NELL2: variants seen among roughly 807,000 people sequenced by gnomAD.
The protein encoded by NELL2 is protein kinase C-binding protein NELL2.
A neutral mutation model predicts 109.6 loss-of-function variants in NELL2; 41 were observed. The observed-to-expected ratio is 0.37, with a 90% CI of 0.29 to 0.49. NELL2 has a LOEUF of 0.49. Among genes scored for constraint, NELL2 ranks in the 20% least tolerant of loss-of-function variants. The pLI is 0.98. For missense variants in NELL2, 900 were observed against 1,008.3 expected (o/e 0.89, Z 1.45); for synonymous variants, 355 against 344.7 (o/e 1.03, Z -0.33).
At chr12:44,772,054 G>A (rs534217932) in intron 9 of NELL2, among the ~76,000 whole-genome samples, 1 of 152,206 alleles carries the variant, frequency 6.6e-6, no homozygotes, top group South Asian at 2.1e-4. Flanking sequence ...TATTTTATCA[G>A]GTTTTGTCAT....
chr12:44,884,973 T>C (rs1945453646), intron 1 of NELL2, among the ~76,000 whole-genome samples: 1 of 151,938 alleles, frequency 6.6e-6, no homozygotes, highest in South Asian at 2.1e-4. Flanking sequence ...GTCTATCCAA[T>C]GAGGCAATAA....
chr12:44,606,074 C>A (rs561678888), intron 15 of NELL2, among the ~76,000 whole-genome samples: 2 of 152,240 alleles, frequency 1.3e-5, no homozygotes, highest in South Asian at 4.1e-4. Flanking sequence ...AAGATAGACA[C>A]TATGCATTGT....
At chr12:44,516,021 G>C (rs1172843436) in intron 19 of NELL2, among the ~76,000 whole-genome samples, 2 of 151,474 alleles carry the variant, frequency 1.3e-5, no homozygotes, top group Non-Finnish European at 3.0e-5. Flanking sequence ...ATCATGACCA[G>C]TACTTTTTTT....
At chr12:44,510,372 A>G (rs933345360) in intron 19 of NELL2, among the ~76,000 whole-genome samples, 1 of 152,210 alleles carries the variant, frequency 6.6e-6, no homozygotes, top group Admixed American at 6.5e-5. Context: ...CAGCTAGTAA[A>G]TGGTAGAGCT....
chr12:44,609,158 C>T (rs1443220030), intron 14 of NELL2, among the ~76,000 whole-genome samples: 1 of 151,410 alleles, frequency 6.6e-6, no homozygotes, highest in Non-Finnish European at 1.5e-5. Context: ...GAGATGTTGC[C>T]CAATCTGGTC....
intron 9 of NELL2, among the ~76,000 whole-genome samples, chr12:44,747,171 C>T (rs11182632): frequency 6.6e-6 from 1 of 152,042 alleles, no homozygotes; most frequent in South Asian, 2.1e-4. Flanking sequence ...AAACTGGAAA[C>T]CATCATTCTC....
chr12:44,789,373 A>C (rs976118627), intron 3 of NELL2, among the ~76,000 whole-genome samples: 11 of 152,176 alleles, frequency 7.2e-5, no homozygotes, highest in Non-Finnish European at 1.3e-4. Context: ...GACCCAGAAG[A>C]GATAACAATC....
intron 9 of NELL2, among the ~76,000 whole-genome samples, chr12:44,741,470 G>T (rs1311543000): frequency 3.9e-5 from 6 of 152,168 alleles, no homozygotes; most frequent in African/African-American, 1.4e-4. Context: ...GACAGTGGGT[G>T]CAGTGCACCG....
At chr12:44,799,566 C>A (rs945669119) in intron 3 of NELL2, among the ~76,000 whole-genome samples, 1 of 152,126 alleles carries the variant, frequency 6.6e-6, no homozygotes, top group Non-Finnish European at 1.5e-5. Flanking sequence ...CTTACTACCA[C>A]TTTATAATAT....
chr12:44,798,128 A>AGATGGAAT (rs368133248), intron 3 of NELL2, among the ~76,000 whole-genome samples: 1 of 145,744 alleles, frequency 6.9e-6, no homozygotes, highest in African/African-American at 2.7e-5. Context: ...ATTCCATCCT[A>AGATGGAAT]GATGGAATGA....
At chr12:44,683,996 T>C (rs1340825168) in intron 12 of NELL2, among the ~76,000 whole-genome samples, 1 of 152,236 alleles carries the variant, frequency 6.6e-6, no homozygotes, top group African/African-American at 2.4e-5. Context: ...GAAGGAATGG[T>C]ACCAGTTCCT....
chr12:44,847,102 T>C (rs1435793970), intron 2 of NELL2, among the ~76,000 whole-genome samples: 2 of 152,164 alleles, frequency 1.3e-5, no homozygotes, highest in Non-Finnish European at 1.5e-5. Flanking sequence ...ATGCTTCCAG[T>C]AGCTCCAAGG....
At chr12:44,819,708 A>G (rs966761172) in intron 2 of NELL2, among the ~76,000 whole-genome samples, 2 of 151,524 alleles carry the variant, frequency 1.3e-5, no homozygotes, top group Admixed American at 6.6e-5. Flanking sequence ...ACCCTATTCA[A>G]CCTCTCCTCC....
chr12:44,709,606 A>G (rs1322324877), intron 11 of NELL2, among the ~76,000 whole-genome samples: 1 of 152,188 alleles, frequency 6.6e-6, no homozygotes, highest in Non-Finnish European at 1.5e-5. Flanking sequence ...AGCAATAGAT[A>G]GTTTTTTTGC....
At chr12:44,593,123 ACTG>A (rs1944819961) in intron 15 of NELL2, among the ~76,000 whole-genome samples, 1 of 152,228 alleles carries the variant, frequency 6.6e-6, no homozygotes, top group Admixed American at 6.5e-5. Flanking sequence ...AAAGCAAGTC[ACTG>A]CATAGTGCTA....
rs189281550 is a variant in NELL2, at chr12:44,775,719, T to A, written c.891+303A>T. On this transcript the variant is annotated intron_variant, in intron 8 of 19. Transcript: ENST00000429094. Reference sequence around the variant, plus strand: ...CACAAGGGAGAAAAATCTCTGGAAATGTTAAGGATAAGAGGATAGTCTTCT... The same window carrying A: ...CACAAGGGAGAAAAATCTCTGGAAAAGTTAAGGATAAGAGGATAGTCTTCT... Among the ~76,000 whole-genome samples, 188 of 152,308 alleles carry A rather than the reference T, an allele frequency of 1.2e-3. 1 individual carries two copies. The highest frequency in any genetic ancestry group is 3.6e-3 in the African/African-American group (148 of 41,558).
intron 15 of NELL2, among the ~76,000 whole-genome samples, chr12:44,552,655 A>G (rs1269538723): frequency 2.6e-5 from 4 of 152,166 alleles, no homozygotes; most frequent in Non-Finnish European, 5.9e-5. Context: ...AATTCTCCAC[A>G]AAGAAAGCAC....
intron 13 of NELL2, among the ~76,000 whole-genome samples, chr12:44,657,157 A>G (rs192296668): frequency 6.6e-6 from 1 of 152,336 alleles, no homozygotes; most frequent in East Asian, 1.9e-4. Flanking sequence ...AGGCTAGAAA[A>G]TCAATAGTGA....
chr12:44,760,514 T>C (rs919863885), intron 9 of NELL2, among the ~76,000 whole-genome samples: 2 of 152,112 alleles, frequency 1.3e-5, no homozygotes, highest in East Asian at 1.9e-4. Flanking sequence ...AAAGCTATGA[T>C]AAAATACTGT....
Sources: allele counts gnomAD v4.1 joint callset (sites outside exome capture counted in the v4.1 genomes callset), GRCh38; gene constraint gnomAD v4.1.1; transcripts MANE v1.5; gene names NCBI Gene and HGNC (gene_info 2026-07-23, HGNC 2026-07-21).